Variants in OAS2 observed in about 807,000 individuals in gnomAD.
OAS2 encodes 2'-5'-oligoadenylate synthase 2.
In OAS2, 67 loss-of-function variants were observed where a neutral mutation model predicts 71.3. The observed-to-expected ratio is 0.94, with a 90% CI of 0.77 to 1.15. The LOEUF (loss-of-function observed/expected upper bound fraction) is 1.15, where lower values mean the gene tolerates loss of function less well. Ranked by LOEUF, OAS2 falls within the 50% of genes most tolerant of loss-of-function variation. The pLI, the probability that OAS2 is intolerant of heterozygous loss-of-function variation, is 0.00. For synonymous variants in OAS2, 327 were observed against 321.8 expected (o/e 1.02, Z -0.17); for missense variants, 789 against 822.5 (o/e 0.96, Z 0.50).
chr12:113,007,736 T>C lies in OAS2; in HGVS notation c.1688T>C (p.Leu563Ser). 1 of 1,614,114 alleles carries C rather than the reference T, an allele frequency of 6.2e-7. No homozygotes were observed. Among genetic ancestry groups the C allele is most frequent in the South Asian group, 1.1e-5 (1 of 91,072 alleles). Residue 563 changes from leucine to serine, a missense_variant, in exon 9 of 10, where the codon TTG (leucine) becomes TCG (serine). Coordinates refer to ENST00000392583, the MANE Select transcript of OAS2 (RefSeq NM_002535.3). The stretch of plus-strand genomic sequence containing the variant: ...AGGAAACTGAAGCCAAAGGGGTCTT[T>C]GCCCCCAAAGTATGCCTTGGAGCTG... ...CERKLKPKGS[L>S]PPKYALELLT...
chr12:113,010,413 C>T lies in OAS2; in HGVS notation c.*1158C>T. ...AGGAAGTTGTGGAGCTAGGATCCAT[C>T]CTATTGTCAATGAGATGTTCTCATC... On this transcript the variant is annotated 3_prime_UTR_variant, in exon 10 of 10. Transcript: ENST00000392583. The T allele has an allele frequency of 1.2e-6, 2 of 1,614,004 alleles. No homozygotes were observed. The highest frequency in any genetic ancestry group is 1.7e-6 in the Non-Finnish European group (2 of 1,179,932).
intron 6 of OAS2, among the ~76,000 whole-genome samples, chr12:113,003,761 G>A (rs899088703): frequency 2.0e-5 from 3 of 152,318 alleles, no homozygotes; most frequent in Admixed American, 6.5e-5. Flanking sequence ...CCAGATAAAC[G>A]TGTCCCCGTG....
chr12:113,002,813 C>A, intron 5 of OAS2, 119 bp from the exon 6 acceptor site: 1 of 812,962 alleles, frequency 1.2e-6, no homozygotes, highest in Non-Finnish European at 2.0e-6. Flanking sequence ...AAGATGCCAG[C>A]CCACGAGCAG....
chr12:112,989,815 T>TG (rs982325161), intron 2 of OAS2, among the ~76,000 whole-genome samples: 77 of 152,222 alleles, frequency 5.1e-4, no homozygotes, highest in African/African-American at 1.8e-3. Flanking sequence ...TTCAGATGAC[T>TG]GGGGGTGCTT....
chr12:113,003,661 G>A (rs552803460), intron 6 of OAS2, among the ~76,000 whole-genome samples: 9 of 152,214 alleles, frequency 5.9e-5, no homozygotes, highest in Non-Finnish European at 5.9e-5. Flanking sequence ...CCCATCAGCT[G>A]AGCTAGAGAT....
At chr12:113,001,768 G>A (rs1235569194) in intron 5 of OAS2, among the ~76,000 whole-genome samples, 1 of 146,116 alleles carries the variant, frequency 6.8e-6, no homozygotes, top group Non-Finnish European at 1.5e-5. Flanking sequence ...GCTCACGCCT[G>A]TAATTACAGC....
At position 113,007,960 on chromosome 12, in the gene OAS2, C is replaced by T; in HGVS notation, c.1895+17C>T. The T allele has an allele frequency of 1.3e-6, 2 of 1,578,592 alleles. No homozygotes were observed. The highest frequency in any genetic ancestry group is 1.1e-5 in the South Asian group (1 of 90,226). On this transcript the variant is annotated intron_variant, in intron 9 of 9. Coordinates refer to ENST00000392583, the MANE Select transcript of OAS2 (RefSeq NM_002535.3). ...GAAAACCAGGTGCCTTCACCCTAGC[C>T]CCGTACTTTTCTTAACCTGATTCCC... is the stretch of plus-strand genomic sequence containing the variant.
Position 112,998,246 on chromosome 12 carries a change from T to C in OAS2, c.864-20T>C, listed in dbSNP as rs1189355958. On this transcript the variant is annotated intron_variant, in intron 4 of 9. Transcript: ENST00000392583. ...CACAAGCAGCTCAACTGACTTTTTTTAATCTAATGGAATACACAGGCCAGT... is the reference window on the plus strand; with the variant it reads ...CACAAGCAGCTCAACTGACTTTTTTCAATCTAATGGAATACACAGGCCAGT... The C allele has an allele frequency of 4.4e-6, 7 of 1,604,956 alleles. No homozygotes were observed. Among genetic ancestry groups the C allele is most frequent in the Non-Finnish European group, 4.2e-6 (5 of 1,177,018 alleles).
At chr12:113,003,199 C>A in intron 6 of OAS2, 97 bp downstream of exon 6, 2 of 1,302,006 alleles carry the variant, frequency 1.5e-6, no homozygotes, top group Non-Finnish European at 2.2e-6. Context: ...CAGGATCCAT[C>A]TACCTTCAGA....
rs56249095 is a variant in OAS2, at chr12:112,978,758, G to T, written c.150G>T (p.Gln50His). The T allele has an allele frequency of 1.2e-6, 2 of 1,613,890 alleles. No individual in the cohort carries two copies. The highest frequency in any genetic ancestry group is 1.7e-6 in the Non-Finnish European group (2 of 1,179,894). ...TICDVLQEPE[Q>H]FPLVQGVAIG... ...GTGACGTCCTGCAGGAACCCGAACA[G>T]TTCCCCCTGGTGCAGGGAGTGGCCA... is the stretch of plus-strand genomic sequence containing the variant. Residue 50 changes from glutamine to histidine, a missense_variant, in exon 1 of 10, where the codon CAG becomes CAT. Coordinates refer to ENST00000392583, the MANE Select transcript of OAS2 (RefSeq NM_002535.3). This position sits in a 1 kb window ranked among gnomAD's most constrained non-coding sequence, Gnocchi z 4.2.
In OAS2 at chr12:112,982,623, C is replaced by T. The variant is rs189447683; in HGVS notation, c.177+3838C>T. Among the ~76,000 whole-genome samples, 397 of 152,102 alleles carry T rather than the reference C, an allele frequency of 2.6e-3. 1 individual carries two copies. The highest frequency in any genetic ancestry group is 9.1e-3 in the African/African-American group (378 of 41,480). ...TATCTATGTTCATCAGGGATATTGG[C>T]CTGTAGTTTTCTTTTTTGTTGTGTC... On this transcript the variant is annotated intron_variant, in intron 1 of 9. Coordinates refer to ENST00000392583, the MANE Select transcript of OAS2 (RefSeq NM_002535.3).
chr12:112,987,471 C>T, intron 2 of OAS2, 163 bp downstream of exon 2: 1 of 1,448,846 alleles, frequency 6.9e-7, no homozygotes, highest in East Asian at 2.5e-5. Flanking sequence ...TGGACTCGCT[C>T]TCTTCTCTGG....
rs973878379 is a variant in OAS2 at position 113,010,603 on chromosome 12, C to A, written c.*1348C>A. The A allele has an allele frequency of 1.8e-4, 255 of 1,436,136 alleles. No homozygotes were observed. Among genetic ancestry groups the A allele is most frequent in the Non-Finnish European group, 2.3e-4 (249 of 1,082,876 alleles). The allele number at this position is 1,436,136 out of a possible 1,614,324, so 89.0% of individuals were successfully genotyped here. A position where few individuals can be genotyped will look rare whatever the true frequency, so the allele number is the denominator to read the frequency against. ...CCTTGCTTCTTGGACTTCTTGAAATCAATCAAGACTGCAAACCCTTTCATA... is the reference window on the plus strand; with the variant it reads ...CCTTGCTTCTTGGACTTCTTGAAATAAATCAAGACTGCAAACCCTTTCATA... On this transcript the variant is annotated 3_prime_UTR_variant, in exon 10 of 10. Transcript: ENST00000392583.
rs563159745 is a variant in OAS2 at position 112,993,056 on chromosome 12, T to C, written c.449-2240T>C. 3.0e-4 allele frequency among the ~76,000 whole-genome samples: 46 copies of C among 152,324 alleles called. No homozygotes were observed. The South Asian group carries it at 3.9e-3, about 13-fold the overall frequency. On this transcript the variant is annotated intron_variant, in intron 2 of 9. Coordinates refer to ENST00000392583, the MANE Select transcript of OAS2 (RefSeq NM_002535.3). ...TAAAGCTGCACATTCCAAATTATTA[T>C]AAGCTCCTTTTTCTGCAAGGAAACA... is the stretch of plus-strand genomic sequence containing the variant.
At chr12:113,006,249 A>G in intron 7 of OAS2, among the ~76,000 whole-genome samples, 164 bp from the exon 8 acceptor site, 1 of 152,224 alleles carries the variant, frequency 6.6e-6, no homozygotes, top group Non-Finnish European at 1.5e-5. Context: ...TACATATCTC[A>G]TTATTCTGGA....
rs1593201833 is a variant in OAS2 at position 112,997,656 on chromosome 12, T to A, written c.764T>A (p.Ile255Asn). The change falls in exon 4 of 10, where the codon ATC (isoleucine) becomes AAC (asparagine). Residue 255 changes from isoleucine (I) to asparagine (N), a missense_variant. By Grantham distance (149) the Ile-to-Asn change is moderately radical. Coordinates refer to ENST00000392583, the MANE Select transcript of OAS2 (RefSeq NM_002535.3). ...GGCGTCAGAACCGTACTGGAGCTGATCAAATGCCAGGAGAAGCTGTGTATC... is the reference window on the plus strand; with the variant it reads ...GGCGTCAGAACCGTACTGGAGCTGAACAAATGCCAGGAGAAGCTGTGTATC... ...AEGVRTVLEL[I>N]KCQEKLCIYW... The A allele has an allele frequency of 1.2e-6, 2 of 1,614,086 alleles. No homozygotes were observed. The highest frequency in any genetic ancestry group is 2.2e-5 in the East Asian group (1 of 44,866).
chr12:113,000,730 C>A (rs560033225), intron 5 of OAS2, among the ~76,000 whole-genome samples: 16 of 152,082 alleles, frequency 1.1e-4, no homozygotes, highest in Admixed American at 8.5e-4. Flanking sequence ...TGCACTCACA[C>A]ACATGCACAC....
In OAS2 at chr12:113,009,139, C is replaced by T. The variant is rs143270193; in HGVS notation, c.1948C>T (p.Arg650Cys). 4.0e-4 allele frequency: 653 copies of T among 1,613,930 alleles called. No individual in the cohort carries two copies. The highest frequency in any genetic ancestry group is 5.3e-4 in the Non-Finnish European group (622 of 1,179,990). Reference sequence around the variant, plus strand: ...CACAGGTGACGTGGGTGGAGGGGACCGTTGGTGTTGGCATCTTCTGGCAAA... The same window carrying T: ...CACAGGTGACGTGGGTGGAGGGGACTGTTGGTGTTGGCATCTTCTGGCAAA... ...EPTGDVGGGDRWCWHLLAKEA... is the reference protein window; with the variant it reads ...EPTGDVGGGDCWCWHLLAKEA... The change falls in exon 10 of 10, where the codon CGT becomes TGT. Residue 650 changes from arginine to cysteine, a missense_variant. Transcript: ENST00000392583.
intron 1 of OAS2, among the ~76,000 whole-genome samples, chr12:112,981,101 G>T (rs1200218418): frequency 6.6e-6 from 1 of 152,056 alleles, no homozygotes; most frequent in Non-Finnish European, 1.5e-5. Flanking sequence ...CACGTTCCTT[G>T]TATATTCTGG....
Sources: gnomAD v4.1 joint callset for allele counts (sites outside exome capture counted in the v4.1 genomes callset) on GRCh38, gnomAD v4.1.1 for gene constraint, Gnocchi (gnomAD v3.1) non-coding constraint, MANE v1.5 for transcripts, NCBI Gene and HGNC (gene_info 2026-07-23, HGNC 2026-07-21) for gene names.